Variants in ATXN7 observed in about 807,000 individuals in gnomAD.
The protein encoded by ATXN7 is ataxin 7, also known as ataxin-7.
A neutral mutation model predicts 70.5 loss-of-function variants in ATXN7; 12 were observed. The ratio of observed to expected loss-of-function variants is 0.17; its 90% CI spans 0.11 to 0.28. The LOEUF (loss-of-function observed/expected upper bound fraction) is 0.28, where lower values mean the gene tolerates loss of function less well. Among genes scored for constraint, ATXN7 ranks in the 10% least tolerant of loss-of-function variants. ATXN7 has a pLI of 1.00. For missense variants in ATXN7, 1,256 were observed against 1,131.7 expected (o/e 1.11, Z -1.58); for synonymous variants, 498 against 448.7 (o/e 1.11, Z -1.39).
chr3:63,996,577 G>A (rs2075764121), intron 12 of ATXN7, 94 bp downstream of exon 12: 3 of 1,205,524 alleles, frequency 2.5e-6, no homozygotes, highest in Non-Finnish European at 3.3e-6. Flanking sequence ...GGGTTGGTTG[G>A]TTGGTTTGTA....
At chr3:63,986,235 G>A (rs980561435) in intron 8 of ATXN7, among the ~76,000 whole-genome samples, 2 of 152,192 alleles carry the variant, frequency 1.3e-5, no homozygotes, top group African/African-American at 2.4e-5. Flanking sequence ...GACCAAAGGA[G>A]CAGGGAGCAG....
intron 11 of ATXN7, among the ~76,000 whole-genome samples, chr3:63,994,207 C>T: frequency 6.6e-6 from 1 of 152,092 alleles, no homozygotes; most frequent in East Asian, 1.9e-4. Context: ...AGAGCTGTAC[C>T]CTTGAATGGG....
intron 4 of ATXN7, among the ~76,000 whole-genome samples, chr3:63,920,549 C>T (rs1704469593): frequency 6.6e-6 from 1 of 152,072 alleles, no homozygotes; most frequent in Non-Finnish European, 1.5e-5. Context: ...CTTTGTTTTT[C>T]TTATCCTTGT....
At chr3:63,912,348 C>G (rs1359278431) in intron 2 of ATXN7, among the ~76,000 whole-genome samples, 4 of 151,522 alleles carry the variant, frequency 2.6e-5, no homozygotes, top group Non-Finnish European at 5.9e-5. Context: ...GCCTGCTGCC[C>G]GTCCCCTCCC....
At position 63,938,705 on chromosome 3, in the gene ATXN7, G is replaced by A. The variant is rs142871620; in HGVS notation, c.395-13674G>A. 2.3e-3 allele frequency among the ~76,000 whole-genome samples: 352 copies of A among 152,362 alleles called. 1 individual carries two copies. The highest frequency in any genetic ancestry group is 8.3e-3 in the African/African-American group (344 of 41,590). On this transcript the variant is annotated intron_variant, in intron 4 of 12. Coordinates refer to ENST00000674280, the MANE Select transcript of ATXN7 (RefSeq NM_001377405.1). ...GTATTTATGGAATGAGTGGAAAAGT[G>A]AAGGAGTCTGATTGATTTGAATTGT... is the stretch of plus-strand genomic sequence containing the variant.
At chr3:63,906,894 A>G (rs1575874544) in intron 2 of ATXN7, among the ~76,000 whole-genome samples, 1 of 152,178 alleles carries the variant, frequency 6.6e-6, no homozygotes, top group East Asian at 1.9e-4. Flanking sequence ...GCAAGGGCAA[A>G]CTGTAGAGGA....
In ATXN7 at chr3:63,990,408, C is replaced by G. The variant is rs753766365; in HGVS notation, c.1560+34C>G. 4 of 1,611,226 alleles carry G rather than the reference C, an allele frequency of 2.5e-6. No homozygotes were observed. In the African/African-American group the frequency reaches 4.0e-5, roughly 16 times the overall value. On this transcript the variant is annotated intron_variant, in intron 10 of 12. Coordinates refer to ENST00000674280, the MANE Select transcript of ATXN7 (RefSeq NM_001377405.1). ...CACGTCCACCCCCGCGTTGACCCTCCCCACACAGCATGGACAGGGCACTGC... is the reference window on the plus strand; with the variant it reads ...CACGTCCACCCCCGCGTTGACCCTCGCCACACAGCATGGACAGGGCACTGC...
intron 10 of ATXN7, 121 bp from the exon 11 acceptor site, chr3:63,990,617 C>A: frequency 6.7e-7 from 1 of 1,491,172 alleles, no homozygotes. Context: ...GCTTCACAGC[C>A]TCCGGTACTC....
intron 4 of ATXN7, among the ~76,000 whole-genome samples, chr3:63,940,738 A>G (rs1029430370): frequency 6.6e-6 from 1 of 152,190 alleles, no homozygotes; most frequent in African/African-American, 2.4e-5. Context: ...AGATGTGCCT[A>G]GAGGTTAAGT....
intron 4 of ATXN7, among the ~76,000 whole-genome samples, chr3:63,918,821 C>G (rs1311237737): frequency 6.6e-6 from 1 of 152,164 alleles, no homozygotes; most frequent in Non-Finnish European, 1.5e-5. Context: ...AAGTTCCCTG[C>G]CTCAGCATCA....
At chr3:63,863,514 C>T (rs1431871431), upstream of ATXN7, 5 of 1,188,690 alleles carry the variant, frequency 4.2e-6, no homozygotes, top group African/African-American at 1.6e-5. Context: ...CCTATAGCCC[C>T]GCGCTGCCTC....
chr3:63,931,308 C>T (rs1428973065), intron 4 of ATXN7, among the ~76,000 whole-genome samples: 3 of 151,532 alleles, frequency 2.0e-5, no homozygotes, highest in African/African-American at 4.9e-5. Context: ...TGTAAACACC[C>T]GCCCCCCCAA....
intron 8 of ATXN7, among the ~76,000 whole-genome samples, chr3:63,986,331 G>A (rs778598635): frequency 3.3e-5 from 5 of 152,130 alleles, no homozygotes; most frequent in Non-Finnish European, 7.3e-5. Context: ...AACCCCTATC[G>A]GATTTCTGTT....
At chr3:63,898,243 T>G (rs1703504505) in intron 1 of ATXN7, among the ~76,000 whole-genome samples, 156 bp from the exon 2 acceptor site, 1 of 152,176 alleles carries the variant, frequency 6.6e-6, no homozygotes, top group African/African-American at 2.4e-5. Context: ...AAAATCACAT[T>G]TGTAGTAAAA....
At chr3:63,876,164 T>C (rs748239574) in intron 1 of ATXN7, among the ~76,000 whole-genome samples, 1 of 152,232 alleles carries the variant, frequency 6.6e-6, no homozygotes, top group Non-Finnish European at 1.5e-5. Flanking sequence ...TTCAACTTAA[T>C]TCTGAAAAGA....
chr3:63,963,657 A>G (rs1254807857), intron 5 of ATXN7, among the ~76,000 whole-genome samples: 5 of 152,210 alleles, frequency 3.3e-5, no homozygotes, highest in African/African-American at 9.6e-5. Context: ...TACCTCATGT[A>G]AATCCATTCA....
At chr3:63,955,407 G>A (rs2075023594) in intron 5 of ATXN7, among the ~76,000 whole-genome samples, 1 of 152,162 alleles carries the variant, frequency 6.6e-6, no homozygotes, top group East Asian at 1.9e-4. Flanking sequence ...AGAGGTGGAT[G>A]GGGGTTTGGG....
At chr3:63,919,549 G>A (rs1326244694) in intron 4 of ATXN7, among the ~76,000 whole-genome samples, 3 of 151,984 alleles carry the variant, frequency 2.0e-5, no homozygotes, top group Non-Finnish European at 4.4e-5. Flanking sequence ...GAGTAGAAAT[G>A]GTTTCACATA....
intron 4 of ATXN7, among the ~76,000 whole-genome samples, chr3:63,931,690 C>CT (rs777741612): frequency 6.6e-6 from 1 of 152,072 alleles, no homozygotes; most frequent in Non-Finnish European, 1.5e-5. Context: ...AGGTGATCTC[C>CT]TTTGTCTCCA....
Sources: gnomAD v4.1 joint callset for allele counts (sites outside exome capture counted in the v4.1 genomes callset) on GRCh38, gnomAD v4.1.1 for gene constraint, MANE v1.5 for transcripts, NCBI Gene and HGNC (gene_info 2026-07-23, HGNC 2026-07-21) for gene names.